Variants in DNAH6 observed in about 807,000 individuals in gnomAD.
DNAH6 encodes the protein dynein axonemal heavy chain 6.
Under a neutral mutation model 491.4 loss-of-function variants are expected in DNAH6, and 340 were observed. The observed-to-expected ratio is 0.69, with a 90% CI of 0.63 to 0.76. The LOEUF is 0.76. Among genes scored for constraint, DNAH6 ranks in the 30% least tolerant of loss-of-function variants. The pLI is 0.00. For missense variants in DNAH6, 4,443 were observed against 4,972.2 expected, an observed-to-expected ratio of 0.89 and a Z score of 3.20; for synonymous variants, 1,603 against 1,686.1, an observed-to-expected ratio of 0.95 and a Z score of 1.21.
chr2:84,671,235 T>C (rs1692709741), intron 39 of DNAH6, among the ~76,000 whole-genome samples: 1 of 152,200 alleles, frequency 6.6e-6, no homozygotes, highest in Admixed American at 6.5e-5. Context: ...CTATGCTGTC[T>C]GTGAGGCAGG....
At chr2:84,683,588 A>G (rs1463031073) in intron 42 of DNAH6, among the ~76,000 whole-genome samples, 1 of 151,588 alleles carries the variant, frequency 6.6e-6, no homozygotes, top group African/African-American at 2.4e-5. Context: ...ATGCCCAGCT[A>G]ATTTTTGTAT....
the DNAH6 span, among the ~76,000 whole-genome samples, chr2:84,487,461 GT>G: frequency 3.3e-5 from 5 of 152,134 alleles, no homozygotes; most frequent in African/African-American, 1.2e-4. Context: ...AACTGCAATG[GT>G]ATTCATCCCC....
intron 9 of DNAH6, among the ~76,000 whole-genome samples, chr2:84,551,653 G>A (rs1679379057): frequency 6.6e-6 from 1 of 152,276 alleles, no homozygotes; most frequent in African/African-American, 2.4e-5. Context: ...ATTCCTAGAT[G>A]TGGAATTGAG....
intron 11 of DNAH6, among the ~76,000 whole-genome samples, chr2:84,562,240 C>T (rs1197810469): frequency 2.6e-5 from 4 of 151,884 alleles, no homozygotes; most frequent in Admixed American, 6.6e-5. Flanking sequence ...AAAAATATAT[C>T]GTCACTCAGA....
chr2:84,795,184 G>A (rs1389388766), intron 68 of DNAH6, among the ~76,000 whole-genome samples: 2 of 112,900 alleles, frequency 1.8e-5, no homozygotes, highest in African/African-American at 6.7e-5. Context: ...GGGGGAGGGG[G>A]GAGGGATAGC....
chr2:84,613,160 T>C (rs1354695683), intron 22 of DNAH6, among the ~76,000 whole-genome samples: 1 of 152,008 alleles, frequency 6.6e-6, no homozygotes, highest in East Asian at 1.9e-4. Context: ...TGTGTGTGTG[T>C]GTGTCTGTGA....
intron 63 of DNAH6, among the ~76,000 whole-genome samples, chr2:84,756,529 C>A (rs976216737): frequency 1.3e-5 from 2 of 152,178 alleles, no homozygotes; most frequent in Non-Finnish European, 1.5e-5. Flanking sequence ...TCATAATGCA[C>A]AATTTCAGTA....
intron 45 of DNAH6, among the ~76,000 whole-genome samples, chr2:84,692,440 GATA>G (rs1694955822): frequency 6.7e-6 from 1 of 148,454 alleles, no homozygotes; most frequent in Non-Finnish European, 1.5e-5. Context: ...TAGATAGATA[GATA>G]GATAGATAGA....
intron 63 of DNAH6, among the ~76,000 whole-genome samples, chr2:84,761,307 T>C (rs1404925153): frequency 6.6e-6 from 1 of 151,448 alleles, no homozygotes; most frequent in Non-Finnish European, 1.5e-5. Flanking sequence ...TGGTAGACAA[T>C]GGAGACTCAG....
At chr2:84,557,607 G>T in intron 10 of DNAH6, 128 bp from the exon 11 acceptor site, 2 of 201,204 alleles carry the variant, frequency 9.9e-6, no homozygotes, top group Non-Finnish European at 1.6e-5. Flanking sequence ...CCGAGATTGC[G>T]CCACTGCAGT....
chr2:84,548,004 G>A (rs1678948318), intron 7 of DNAH6, among the ~76,000 whole-genome samples: 1 of 152,064 alleles, frequency 6.6e-6, no homozygotes, highest in African/African-American at 2.4e-5. Flanking sequence ...CTAAATTGTA[G>A]GTAGAAAAGG....
At chr2:84,741,748 A>C (rs1461605793) in intron 62 of DNAH6, among the ~76,000 whole-genome samples, 1 of 152,148 alleles carries the variant, frequency 6.6e-6, no homozygotes, top group African/African-American at 2.4e-5. Flanking sequence ...GGGTTCTCAA[A>C]ATGGCACCCA....
the DNAH6 span, among the ~76,000 whole-genome samples, chr2:84,478,022 G>A: frequency 6.6e-6 from 1 of 152,208 alleles, no homozygotes; most frequent in Non-Finnish European, 1.5e-5. Flanking sequence ...GAAATGTAGT[G>A]TAACCAAGAG....
intron 33 of DNAH6, among the ~76,000 whole-genome samples, chr2:84,651,261 T>C (rs1401129288): frequency 6.6e-6 from 1 of 152,098 alleles, no homozygotes; most frequent in African/African-American, 2.4e-5. Context: ...GGGCTGGAAG[T>C]CCAGGCTTCC....
In DNAH6 at chr2:84,577,364, C is replaced by A; in HGVS notation, c.2032C>A (p.Leu678Ile). Reference sequence around the variant, plus strand: ...AGGATTGCTGCTCATTGATACTAGGCTTCTAAGAGAAAAATTAATTCCATC... The same window carrying A: ...AGGATTGCTGCTCATTGATACTAGGATTCTAAGAGAAAAATTAATTCCATC... ...NVGLLLIDTR[L>I]LREKLIPSPL... The change falls in exon 13 of 77, where the codon CTT (leucine) becomes ATT (isoleucine). Residue 678 changes from leucine to isoleucine, a missense_variant. By Grantham distance (5) the Leu-to-Ile change is conservative. Coordinates refer to ENST00000389394, the MANE Select transcript of DNAH6 (RefSeq NM_001370.2). The A allele has an allele frequency of 6.2e-7, 1 of 1,610,790 alleles. No homozygotes were observed. Among genetic ancestry groups the A allele is most frequent in the Non-Finnish European group, 8.5e-7 (1 of 1,178,286 alleles).
chr2:84,636,263 G>A (rs1573309908), intron 30 of DNAH6, among the ~76,000 whole-genome samples: 1 of 152,162 alleles, frequency 6.6e-6, no homozygotes, highest in Admixed American at 6.5e-5. Context: ...TTGCCCTTTA[G>A]CAAAGTAAAT....
intron 30 of DNAH6, 101 bp downstream of exon 30, chr2:84,634,742 G>A: frequency 7.3e-7 from 1 of 1,373,452 alleles, no homozygotes; most frequent in Non-Finnish European, 9.5e-7. Context: ...AAATGTTAGG[G>A]AGGAATCCTG....
At chr2:84,507,619 G>A in the DNAH6 span, among the ~76,000 whole-genome samples, 1 of 152,266 alleles carries the variant, frequency 6.6e-6, no homozygotes, top group South Asian at 2.1e-4. Flanking sequence ...TAGGAGTGGT[G>A]AGAGAGGGCA....
intron 14 of DNAH6, among the ~76,000 whole-genome samples, chr2:84,580,885 G>T (rs1682957171): frequency 6.6e-6 from 1 of 152,092 alleles, no homozygotes; most frequent in African/African-American, 2.4e-5. Context: ...AACCCAGAAT[G>T]GGACAGCTGT....
Sources: allele counts gnomAD v4.1 joint callset (sites outside exome capture counted in the v4.1 genomes callset), GRCh38; gene constraint gnomAD v4.1.1; transcripts MANE v1.5; gene names NCBI Gene and HGNC (gene_info 2026-07-23, HGNC 2026-07-21).